Variants in ABHD12 observed in about 807,000 individuals in gnomAD.
ABHD12 encodes lysophosphatidylserine lipase ABHD12.
A neutral mutation model predicts 58.3 loss-of-function variants in ABHD12; 43 were observed. The observed-to-expected ratio is 0.74, with a 90% confidence interval of 0.58 to 0.95. ABHD12 has a LOEUF of 0.95. ABHD12 is among the 40% of genes least tolerant of loss of function. ABHD12 has a pLI of 0.00. For synonymous variants in ABHD12, 219 were observed against 211.2 expected (o/e 1.04, Z -0.32); for missense variants, 539 against 537.2 (o/e 1.00, Z -0.03).
Position 25,339,256 on chromosome 20 carries a change from A to G in ABHD12, c.287T>C (p.Ile96Thr), listed in dbSNP as rs779003897. 4.3e-6 allele frequency: 7 copies of G among 1,614,094 alleles called. No homozygotes were observed. In the African/African-American group the frequency reaches 9.3e-5, roughly 22 times the overall value. The change falls in exon 2 of 13, where the codon ATA (isoleucine) becomes ACA (threonine). Residue 96 changes from isoleucine to threonine, a missense_variant. Ile to Thr is a moderately conservative substitution (Grantham distance 89). Coordinates refer to ENST00000339157, the MANE Select transcript of ABHD12 (RefSeq NM_001042472.3). ...ATTCAAGAAAATCAGTTTGGCCTGT[A>G]TTCCAGGACATAGTTTGATGAGAAA... ...IPFLIKLCPG[I>T]QAKLIFLNFV... is the part of the protein sequence containing the mutation.
chr20:25,329,413 C>T (rs1209427476), intron 2 of ABHD12, among the ~76,000 whole-genome samples: 1 of 152,232 alleles, frequency 6.6e-6, no homozygotes, highest in Admixed American at 6.5e-5. Context: ...GCTGCTCCTG[C>T]TTCCCCCAGT....
intron 1 of ABHD12, among the ~76,000 whole-genome samples, chr20:25,383,954 CAAAAAAAAAAAAAAAAAAAAGAA>C (rs2090053579): frequency 1.9e-5 from 1 of 53,374 alleles, no homozygotes; most frequent in Non-Finnish European, 4.0e-5. Flanking sequence ...GACTCTTTCT[CAAAAAAAAAAAAAAAAAAAAGAA>C]AAAAAAGAAA....
At chr20:25,334,205 T>A (rs371167648) in intron 2 of ABHD12, among the ~76,000 whole-genome samples, 2 of 150,934 alleles carry the variant, frequency 1.3e-5, no homozygotes, top group Non-Finnish European at 2.9e-5. Flanking sequence ...CCATTCACAA[T>A]TGCTTCAAAG....
At chr20:25,350,645 C>T (rs1455302851) in intron 1 of ABHD12, among the ~76,000 whole-genome samples, 1 of 152,108 alleles carries the variant, frequency 6.6e-6, no homozygotes, top group African/African-American at 2.4e-5. Flanking sequence ...TTATTAGCAG[C>T]GTGAGAACAG....
chr20:25,299,893 C>A (rs149226462), downstream of ABHD12, among the ~76,000 whole-genome samples: 1 of 152,130 alleles, frequency 6.6e-6, no homozygotes, highest in African/African-American at 2.4e-5. Flanking sequence ...TGCTCCCCTG[C>A]GTAGGAAAAG....
At chr20:25,373,200 G>A (rs1460421427) in intron 1 of ABHD12, among the ~76,000 whole-genome samples, 1 of 152,146 alleles carries the variant, frequency 6.6e-6, no homozygotes, top group East Asian at 1.9e-4. Flanking sequence ...ACCTGTTATT[G>A]AGTGACATTA....
intron 1 of ABHD12, among the ~76,000 whole-genome samples, chr20:25,375,975 T>C (rs771872067): frequency 6.6e-6 from 1 of 151,892 alleles, no homozygotes; most frequent in Admixed American, 6.6e-5. Context: ...ACAAAAATAT[T>C]AGCTGGGCGT....
chr20:25,308,547 G>A, intron 7 of ABHD12, 53 bp from the exon 8 acceptor site: 2 of 1,567,820 alleles, frequency 1.3e-6, no homozygotes, highest in Non-Finnish European at 1.7e-6. Context: ...TGTTTGAGAT[G>A]ATATGGGCCT....
intron 1 of ABHD12, among the ~76,000 whole-genome samples, chr20:25,351,792 T>G (rs1420530005): frequency 6.6e-6 from 1 of 151,886 alleles, no homozygotes; most frequent in African/African-American, 2.4e-5. Flanking sequence ...TCCCACCTAC[T>G]CGGGAGGCTG....
intron 1 of ABHD12, among the ~76,000 whole-genome samples, chr20:25,342,030 C>A (rs2089460597): frequency 6.7e-6 from 1 of 149,814 alleles, no homozygotes; most frequent in Admixed American, 6.7e-5. Context: ...GAAAGGAAAG[C>A]CTATGTCCAC....
At chr20:25,389,530 C>A (rs2090140834) in intron 1 of ABHD12, among the ~76,000 whole-genome samples, 1 of 152,194 alleles carries the variant, frequency 6.6e-6, no homozygotes, top group Non-Finnish European at 1.5e-5. Context: ...CACGAAGTAG[C>A]AAGGCTTCAA....
At chr20:25,368,688 G>A (rs2089858284) in intron 1 of ABHD12, 1 of 1,369,214 alleles carries the variant, frequency 7.3e-7, no homozygotes, top group Non-Finnish European at 1.0e-6. Context: ...TTGGAATCTT[G>A]TCTGCAAACA....
At chr20:25,383,968 A>AAAAG (rs2090054610) in intron 1 of ABHD12, among the ~76,000 whole-genome samples, 2 of 131,622 alleles carry the variant, frequency 1.5e-5, no homozygotes, top group South Asian at 4.8e-4. Flanking sequence ...AAAAAAAAAA[A>AAAAG]AAAAAAGAAA....
intron 8 of ABHD12, 54 bp downstream of exon 8, chr20:25,308,397 CGGGACT>C: frequency 1.3e-6 from 2 of 1,587,460 alleles, no homozygotes; most frequent in Non-Finnish European, 1.7e-6. Flanking sequence ...GCAGCAGGGC[CGGGACT>C]GGGGAGCACC....
At chr20:25,315,073 G>C (rs1022641996) in intron 5 of ABHD12, 103 bp from the exon 6 acceptor site, 9 of 1,195,682 alleles carry the variant, frequency 7.5e-6, no homozygotes, top group Non-Finnish European at 1.1e-5. Context: ...CCTCTGCCTT[G>C]TACGTAGTGG....
chr20:25,312,827 C>G (rs1446161081), intron 6 of ABHD12, among the ~76,000 whole-genome samples: 1 of 138,716 alleles, frequency 7.2e-6, no homozygotes, highest in African/African-American at 2.7e-5. Flanking sequence ...TCTGCCCGGC[C>G]GCGACCCCGT....
intron 1 of ABHD12, among the ~76,000 whole-genome samples, chr20:25,340,019 C>T (rs2146037489): frequency 6.6e-6 from 1 of 152,332 alleles, no homozygotes; most frequent in East Asian, 1.9e-4. Flanking sequence ...TGTTCCCAAA[C>T]CCCCTTTCAA....
chr20:25,312,449 G>A (rs568700075), intron 6 of ABHD12, among the ~76,000 whole-genome samples: 59 of 129,724 alleles, frequency 4.5e-4, no homozygotes, highest in East Asian at 1.4e-3. Context: ...CACAGGTGCC[G>A]GGATTGCAGA....
At chr20:25,342,454 A>ATT (rs11477444) in intron 1 of ABHD12, among the ~76,000 whole-genome samples, 216 of 142,340 alleles carry the variant, frequency 1.5e-3, no homozygotes, top group Middle Eastern at 0.011. Flanking sequence ...CAGATACCAC[A>ATT]TTTTTTTTTT....
Sources: gnomAD v4.1 joint callset for allele counts (sites outside exome capture counted in the v4.1 genomes callset) on GRCh38, gnomAD v4.1.1 for gene constraint, MANE v1.5 for transcripts, NCBI Gene and HGNC (gene_info 2026-07-23, HGNC 2026-07-21) for gene names.